ASAP2: variants seen among roughly 807,000 people sequenced by gnomAD.
The protein encoded by ASAP2 is ArfGAP with SH3 domain, ankyrin repeat and PH domain 2, also known as arf-GAP with SH3 domain, ANK repeat and PH domain-containing protein 2.
A neutral mutation model predicts 131.4 loss-of-function variants in ASAP2; 45 were observed. That is an observed-to-expected ratio of 0.34 (90% CI 0.27 to 0.44). ASAP2 has a LOEUF of 0.44. ASAP2 is among the 20% of genes least tolerant of loss of function. ASAP2 has a pLI of 1.00. For synonymous variants in ASAP2, 510 were observed against 503.0 expected (o/e 1.01, Z -0.19); for missense variants, 1,011 against 1,297.0 (o/e 0.78, Z 3.39).
At chr2:9,304,170 G>A (rs1316006742) in intron 3 of ASAP2, among the ~76,000 whole-genome samples, 1 of 152,136 alleles carries the variant, frequency 6.6e-6, no homozygotes, top group Non-Finnish European at 1.5e-5. Flanking sequence ...CTGCAGTATG[G>A]CACTTGTCCA....
chr2:9,399,497 T>A, intron 24 of ASAP2: 1 of 156,080 alleles, frequency 6.4e-6, no homozygotes, highest in Non-Finnish European at 1.4e-5. Context: ...ACTCATGTGT[T>A]TCTACCTTGT....
intron 27 of ASAP2, among the ~76,000 whole-genome samples, chr2:9,402,147 T>C (rs1676759578): frequency 1.3e-5 from 2 of 152,224 alleles, no homozygotes; most frequent in Non-Finnish European, 2.9e-5. Flanking sequence ...GGAACTTCTT[T>C]GTCGAGTGCG....
intron 23 of ASAP2, among the ~76,000 whole-genome samples, chr2:9,391,679 A>C (rs1675734802): frequency 2.0e-5 from 3 of 148,390 alleles, no homozygotes; most frequent in Admixed American, 2.0e-4. Context: ...GGTTCAAGAG[A>C]TCGTCCTGCC....
chr2:9,403,179 T>C, intron 27 of ASAP2, 74 bp from the exon 28 acceptor site: 1 of 1,317,386 alleles, frequency 7.6e-7, no homozygotes, highest in South Asian at 1.2e-5. Flanking sequence ...CACCAAACGC[T>C]CTATGTAATG....
In ASAP2 at chr2:9,393,600, GC is replaced by G. The variant is rs1675889790; in HGVS notation, c.2642del (p.Pro881HisfsTer22). The G allele has an allele frequency of 6.3e-7, 1 of 1,590,904 alleles. No individual in the cohort carries two copies. The highest frequency in any genetic ancestry group is 2.3e-5 in the East Asian group (1 of 43,824). On this transcript the variant is annotated frameshift_variant, in exon 24 of 28. Coordinates refer to ENST00000281419, the MANE Select transcript of ASAP2 (RefSeq NM_003887.3). LOFTEE classifies it high-confidence loss of function. ...GISQIRPPPL[P>X]PQPPSRLPQK... ...TCTCACAGATCAGGCCCCCACCTCTGCCCCCACAGCCGCCCAGCCGCCTCCC... is the reference window on the plus strand; with the variant it reads ...TCTCACAGATCAGGCCCCCACCTCTGCCCCACAGCCGCCCAGCCGCCTCCC...
intron 11 of ASAP2, 117 bp downstream of exon 11, chr2:9,344,917 G>A (rs893657327): frequency 1.3e-6 from 1 of 794,612 alleles, no homozygotes; most frequent in Non-Finnish European, 2.0e-6. Context: ...TTAAGGATGT[G>A]TCTTAGAGAA....
intron 24 of ASAP2, 129 bp downstream of exon 24, chr2:9,393,776 T>A (rs1675908861): frequency 1.5e-5 from 15 of 1,014,080 alleles, no homozygotes; most frequent in Non-Finnish European, 2.1e-5. Flanking sequence ...AACTAATTCA[T>A]CGGGGCTGAA....
At chr2:9,359,483 A>G (rs1312222765) in intron 15 of ASAP2, among the ~76,000 whole-genome samples, 1 of 152,238 alleles carries the variant, frequency 6.6e-6, no homozygotes, top group Non-Finnish European at 1.5e-5. Context: ...CTGTAGTCCC[A>G]CAAGGTCCAT....
chr2:9,270,511 A>G (rs1250708490), intron 1 of ASAP2, among the ~76,000 whole-genome samples: 1 of 152,116 alleles, frequency 6.6e-6, no homozygotes, highest in African/African-American at 2.4e-5. Flanking sequence ...GCAGTGCATA[A>G]TAATCACATT....
At position 9,402,150 on chromosome 2, in the gene ASAP2, C is replaced by T. The variant is rs1022249761; in HGVS notation, c.2946+754C>T. ...ACAGGATTTAGGGGAACTTCTTTGT[C>T]GAGTGCGAGGAGTTTGGACACTGTC... is the stretch of plus-strand genomic sequence containing the variant. On this transcript the variant is annotated intron_variant, in intron 27 of 27. Transcript: ENST00000281419. 1.3e-5 allele frequency among the ~76,000 whole-genome samples: 2 copies of T among 152,216 alleles called. 1 individual carries two copies. Among genetic ancestry groups the T allele is most frequent in the South Asian group, 4.1e-4 (2 of 4,834 alleles).
chr2:9,363,755 A>G (rs930566209), intron 15 of ASAP2, among the ~76,000 whole-genome samples: 2 of 152,140 alleles, frequency 1.3e-5, no homozygotes, highest in Admixed American at 6.5e-5. Context: ...AAATTTTTCC[A>G]TAGAGACAGG....
chr2:9,302,904 C>T (rs969591657), intron 3 of ASAP2, among the ~76,000 whole-genome samples: 11 of 152,270 alleles, frequency 7.2e-5, no homozygotes, highest in Non-Finnish European at 1.6e-4. Context: ...ATGTGCTGCA[C>T]CTGGCAGAGG....
chr2:9,392,852 G>A lies in ASAP2; in HGVS notation c.2519-630G>A, dbSNP rs908187992. Among the ~76,000 whole-genome samples, 2 of 152,224 alleles carry A rather than the reference G, an allele frequency of 1.3e-5. No individual in the cohort carries two copies. The highest frequency in any genetic ancestry group is 3.4e-3 in the Middle Eastern group (1 of 294). ...TAATGCCTATCAAGGGAGGAGAGACGGAGGAAGGAGACTTGGACTCACAGC... is the reference window on the plus strand; with the variant it reads ...TAATGCCTATCAAGGGAGGAGAGACAGAGGAAGGAGACTTGGACTCACAGC... On this transcript the variant is annotated intron_variant, in intron 23 of 27. Coordinates refer to ENST00000281419, the MANE Select transcript of ASAP2 (RefSeq NM_003887.3). This position sits in a 1 kb window ranked among gnomAD's most constrained non-coding sequence, Gnocchi z 4.0.
At chr2:9,275,677 C>T (rs926790683) in intron 1 of ASAP2, among the ~76,000 whole-genome samples, 1 of 152,194 alleles carries the variant, frequency 6.6e-6, no homozygotes, top group African/African-American at 2.4e-5. Context: ...CGTTTCCCCT[C>T]TGGGAAGCAC....
chr2:9,395,594 C>CTTTTTTTTTT lies in ASAP2; in HGVS notation c.2684+1969_2684+1978dup. Among the ~76,000 whole-genome samples, 53 of 59,054 alleles carry CTTTTTTTTTT rather than the reference C, an allele frequency of 9.0e-4. 9 individuals are homozygous for CTTTTTTTTTT. The highest frequency in any genetic ancestry group is 1.7e-3 in the Non-Finnish European group (47 of 27,436). 38.7% of individuals were successfully genotyped at this position (59,054 alleles called of 152,430 possible). A position where few individuals can be genotyped will look rare whatever the true frequency, so the allele number is the denominator to read the frequency against. On this transcript the variant is annotated intron_variant, in intron 24 of 27. Coordinates refer to ENST00000281419, the MANE Select transcript of ASAP2 (RefSeq NM_003887.3). The stretch of plus-strand genomic sequence containing the variant: ...GTTTTGTTTTTCTTGTGTTTTTTTT[C>CTTTTTTTTTT]TTTTTTTTTTTTTTTTTTTTTTTTT...
At chr2:9,304,743 G>A (rs1668730210) in intron 3 of ASAP2, among the ~76,000 whole-genome samples, 2 of 149,066 alleles carry the variant, frequency 1.3e-5, no homozygotes, top group South Asian at 2.2e-4. Context: ...TATAGGTATT[G>A]GTGGAGGGGG....
chr2:9,282,920 T>C (rs1391706900), intron 2 of ASAP2, among the ~76,000 whole-genome samples: 1 of 152,220 alleles, frequency 6.6e-6, no homozygotes, highest in Non-Finnish European at 1.5e-5. Context: ...GCTGTACTTC[T>C]GTGTCTTTGC....
At chr2:9,261,300 C>T (rs1162938418) in intron 1 of ASAP2, among the ~76,000 whole-genome samples, 7 of 152,214 alleles carry the variant, frequency 4.6e-5, no homozygotes, top group Admixed American at 6.5e-5. Context: ...AAGCTGCCTT[C>T]CGTCCTCCCT....
intron 17 of ASAP2, among the ~76,000 whole-genome samples, chr2:9,375,719 C>A (rs1194439144): frequency 1.3e-5 from 2 of 152,200 alleles, no homozygotes; most frequent in African/African-American, 4.8e-5. Flanking sequence ...GAAAGAAAAC[C>A]CATCTCCAGG....
Sources: allele counts gnomAD v4.1 joint callset (sites outside exome capture counted in the v4.1 genomes callset), GRCh38; gene constraint gnomAD v4.1.1; non-coding constraint Gnocchi (gnomAD v3.1); transcripts MANE v1.5; gene names NCBI Gene and HGNC (gene_info 2026-07-23, HGNC 2026-07-21).